STK3: variants seen among roughly 807,000 people sequenced by gnomAD.
STK3 encodes the protein serine/threonine kinase 3, also known as serine/threonine-protein kinase 3.
Under a neutral mutation model 58.0 loss-of-function variants are expected in STK3, and 41 were observed. The observed-to-expected ratio is 0.71, with a 90% CI of 0.55 to 0.92. The LOEUF (loss-of-function observed/expected upper bound fraction) is 0.92, where lower values mean the gene tolerates loss of function less well. Among genes scored for constraint, STK3 ranks in the 40% least tolerant of loss-of-function variants. The probability of loss-of-function intolerance (pLI) is 0.00; values close to 1 mark genes in which losing one functional copy is unlikely to be tolerated. For missense variants in STK3, 479 were observed against 602.7 expected (o/e 0.79, Z 2.15); for synonymous variants, 170 against 191.0 (o/e 0.89, Z 0.91).
At chr8:98,934,643 C>T (rs891093465) in intron 1 of STK3, among the ~76,000 whole-genome samples, 6 of 152,182 alleles carry the variant, frequency 3.9e-5, no homozygotes, top group South Asian at 2.1e-4. Flanking sequence ...AGGCCGGGCA[C>T]GGTGACTCAT....
At chr8:98,792,266 T>G (rs1429882620) in intron 1 of STK3, among the ~76,000 whole-genome samples, 1 of 152,200 alleles carries the variant, frequency 6.6e-6, no homozygotes, top group Non-Finnish European at 1.5e-5. Context: ...GATTCCACCT[T>G]ACTTCTGCAA....
At chr8:98,478,567 A>G (rs1447573784) in intron 10 of STK3, among the ~76,000 whole-genome samples, 1 of 152,258 alleles carries the variant, frequency 6.6e-6, no homozygotes, top group African/African-American at 2.4e-5. Context: ...GAGGGACTTC[A>G]GATGACTAAA....
In STK3 at chr8:98,373,739, C is replaced by CT. The variant is rs911830790; in HGVS notation, n.112-2062dup. Among the ~76,000 whole-genome samples, 28 of 152,058 alleles carry CT rather than the reference C, an allele frequency of 1.8e-4. No individual in the cohort carries two copies. The South Asian group carries it at 2.7e-3, about 15-fold the overall frequency. On this transcript the variant is annotated intron_variant and non_coding_transcript_variant, in intron 2 of 2. Coordinates refer to the STK3 transcript ENST00000518704. ...AGGTAATATCTGCTTCTTTTCTTTCCTTTTTTTTGTGAATGTCTTATATAA... is the reference window on the plus strand; with the variant it reads ...AGGTAATATCTGCTTCTTTTCTTTCCTTTTTTTTTGTGAATGTCTTATATAA...
chr8:98,597,635 T>C (rs1815943076), intron 6 of STK3: 1 of 985,288 alleles, frequency 1.0e-6, no homozygotes, highest in Non-Finnish European at 1.2e-6. Flanking sequence ...AAGATGAATC[T>C]GCTGTAATTA....
Position 98,378,895 on chromosome 8 carries a change from T to C in STK3, n.111+258A>G, listed in dbSNP as rs924444122. On this transcript the variant is annotated intron_variant and non_coding_transcript_variant, in intron 2 of 2. Coordinates refer to the STK3 transcript ENST00000518704. ...GGCCTCCTTGATCCCCATGGGCCTT[T>C]TGCAATCCTTTCAAAGCTCAGAAAT... Among the ~76,000 whole-genome samples, 6 of 152,168 alleles carry C rather than the reference T, an allele frequency of 3.9e-5. No homozygotes were observed. The South Asian group carries it at 1.2e-3, about 32-fold the overall frequency.
chr8:98,818,586 G>A (rs1834697292), intron 1 of STK3, among the ~76,000 whole-genome samples: 1 of 151,442 alleles, frequency 6.6e-6, no homozygotes, highest in South Asian at 2.1e-4. Flanking sequence ...CAAGATAGCA[G>A]AAACATCTGA....
intron 6 of STK3, chr8:98,602,104 A>T (rs1303799697): frequency 2.0e-5 from 3 of 152,226 alleles, no homozygotes; most frequent in Non-Finnish European, 4.4e-5. Context: ...CAACTTCAGA[A>T]CTTTCCATAT....
At chr8:98,807,268 T>G (rs1833945721) in intron 1 of STK3, among the ~76,000 whole-genome samples, 1 of 152,060 alleles carries the variant, frequency 6.6e-6, no homozygotes, top group African/African-American at 2.4e-5. Context: ...GTTTCTGTTT[T>G]GTTTTGGAGA....
At chr8:98,429,545 C>A in intron 3 of STK3, 1 of 648,024 alleles carries the variant, frequency 1.5e-6, no homozygotes, top group Non-Finnish European at 2.7e-6. Flanking sequence ...ATGGGATATG[C>A]ACCCAGGTTT....
downstream of STK3, among the ~76,000 whole-genome samples, chr8:98,368,866 G>A (rs192100014): frequency 3.3e-5 from 5 of 152,326 alleles, no homozygotes; most frequent in South Asian, 8.3e-4. Context: ...CTGTGAAAGA[G>A]TGAGGTTGGG....
chr8:98,360,638 AC>A, the STK3 span, among the ~76,000 whole-genome samples: 5 of 151,862 alleles, frequency 3.3e-5, no homozygotes, highest in African/African-American at 1.2e-4. Flanking sequence ...CGTTGTTTGT[AC>A]TTGCAAGGAA....
At chr8:98,886,638 T>G (rs1315107329) in intron 1 of STK3, among the ~76,000 whole-genome samples, 1 of 152,204 alleles carries the variant, frequency 6.6e-6, no homozygotes, top group Non-Finnish European at 1.5e-5. Flanking sequence ...ACTTTTATAA[T>G]GTAAAAACTA....
the STK3 span, among the ~76,000 whole-genome samples, chr8:98,355,818 T>A: frequency 0.059 from 9,050 of 152,272 alleles, 925 homozygotes; most frequent in African/African-American, 0.21. Context: ...GCTTTCTGGA[T>A]GGGTAGAATT....
intron 6 of STK3, among the ~76,000 whole-genome samples, chr8:98,634,688 A>G (rs1819504915): frequency 6.6e-6 from 1 of 152,154 alleles, no homozygotes; most frequent in Admixed American, 6.5e-5. Flanking sequence ...AATAGTAAAG[A>G]AAATTATATA....
chr8:98,620,699 T>G (rs1379067472), intron 6 of STK3, among the ~76,000 whole-genome samples: 3 of 151,322 alleles, frequency 2.0e-5, no homozygotes, highest in Non-Finnish European at 4.4e-5. Context: ...TAGAAATCAA[T>G]ACAATTTAAA....
chr8:98,757,259 C>A (rs1026320629), intron 3 of STK3, among the ~76,000 whole-genome samples: 2 of 150,922 alleles, frequency 1.3e-5, no homozygotes, highest in Admixed American at 6.6e-5. Flanking sequence ...CGGCTCACTG[C>A]AACCTCTGCC....
chr8:98,776,262 T>C (rs912593102), intron 1 of STK3, among the ~76,000 whole-genome samples: 1 of 152,170 alleles, frequency 6.6e-6, no homozygotes, highest in Non-Finnish European at 1.5e-5. Context: ...ATTATTAGAC[T>C]AACAAAAAGG....
At chr8:98,837,244 A>G (rs1286966869) in intron 3 of STK3, among the ~76,000 whole-genome samples, 1 of 152,104 alleles carries the variant, frequency 6.6e-6, no homozygotes, top group Non-Finnish European at 1.5e-5. Flanking sequence ...TTGAAGATAT[A>G]GAGTATATAT....
At chr8:98,599,170 A>T (rs1052200548) in intron 6 of STK3, among the ~76,000 whole-genome samples, 1 of 152,244 alleles carries the variant, frequency 6.6e-6, no homozygotes, top group Non-Finnish European at 1.5e-5. Flanking sequence ...CTTCACAACA[A>T]ATAAATGAGA....
Sources: gnomAD v4.1 joint callset for allele counts (sites outside exome capture counted in the v4.1 genomes callset) on GRCh38, gnomAD v4.1.1 for gene constraint, MANE v1.5 for transcripts, NCBI Gene and HGNC (gene_info 2026-07-23, HGNC 2026-07-21) for gene names.